The following HELZ variants were observed in gnomAD, a reference collection of about 807,000 sequenced individuals.
HELZ encodes helicase with zinc finger.
HELZ carries 23 observed loss-of-function variants against 218.2 expected under a neutral mutation model. The ratio of observed to expected loss-of-function variants is 0.11; its 90% CI spans 0.08 to 0.15. HELZ has a LOEUF of 0.15. Ranked by LOEUF, HELZ falls within the 10% of genes least tolerant of loss-of-function variation. The pLI, the probability that HELZ is intolerant of heterozygous loss-of-function variation, is 1.00. For synonymous variants in HELZ, 814 were observed against 829.4 expected (o/e 0.98, Z 0.32); for missense variants, 1,813 against 2,353.7 (o/e 0.77, Z 4.75).
chr17:67,173,181 A>G (rs2144190753), intron 13 of HELZ: 1 of 209,706 alleles, frequency 4.8e-6, no homozygotes, highest in Admixed American at 6.5e-5. Context: ...ACTTTCTAGT[A>G]AAGGTTATAG....
Position 67,160,262 on chromosome 17 carries a change from T to G in HELZ, c.2176A>C (p.Arg726=). The G allele has an allele frequency of 1.3e-6, 2 of 1,565,236 alleles. No individual in the cohort carries two copies. Among genetic ancestry groups the G allele is most frequent in the Non-Finnish European group, 1.8e-6 (2 of 1,135,846 alleles). The stretch of plus-strand genomic sequence containing the variant: ...CATAATAAGCCTTAAAAAAAATACC[T>G]GAGAGGTCTTGCCTGGGGATTGCCT... The part of the protein sequence containing the change: ...EAGNPQARPL[R]VYFRNRWVKT... The change falls in exon 17 of 33, where the codon AGG becomes CGG. Residue 726 remains arginine, a splice_region_variant and synonymous_variant. Transcript: ENST00000358691.
chr17:67,181,114 T>C (rs1431616088), intron 12 of HELZ, among the ~76,000 whole-genome samples: 1 of 152,096 alleles, frequency 6.6e-6, no homozygotes, highest in Non-Finnish European at 1.5e-5. Context: ...ATTTAGTATG[T>C]AGCTTTTAAA....
intron 5 of HELZ, among the ~76,000 whole-genome samples, 169 bp from the exon 6 acceptor site, chr17:67,203,612 T>C (rs8073349): frequency 0.039 from 5,950 of 152,232 alleles, 405 homozygotes; most frequent in African/African-American, 0.13. Context: ...AACAGGCATA[T>C]AAGAACAAGA....
chr17:67,146,676 G>C (rs1391022449), intron 20 of HELZ, among the ~76,000 whole-genome samples: 1 of 152,188 alleles, frequency 6.6e-6, no homozygotes, highest in Non-Finnish European at 1.5e-5. Flanking sequence ...TCTAGTACTT[G>C]ACTCATCAGT....
At chr17:67,186,228 A>G (rs1286776444) in intron 12 of HELZ, among the ~76,000 whole-genome samples, 3 of 152,120 alleles carry the variant, frequency 2.0e-5, no homozygotes, top group African/African-American at 7.2e-5. Flanking sequence ...AAATTATCCT[A>G]ATCAAGGCTA....
intron 22 of HELZ, among the ~76,000 whole-genome samples, chr17:67,136,500 C>T (rs2038155258): frequency 6.6e-6 from 1 of 152,274 alleles, no homozygotes; most frequent in East Asian, 1.9e-4. Context: ...TGTATATCCA[C>T]GTTCATAGCA....
chr17:67,092,772 C>A (rs1275946863), intron 31 of HELZ, among the ~76,000 whole-genome samples: 1 of 152,144 alleles, frequency 6.6e-6, no homozygotes, highest in Non-Finnish European at 1.5e-5. Flanking sequence ...TTGAGACCGG[C>A]TGGCCAACAT....
At position 67,151,103 on chromosome 17, in the gene HELZ, C is replaced by A; in HGVS notation, c.2299G>T (p.Val767Leu). Reference protein sequence around the residue: ...PQKEDILKHRVVVVTLNTSQY... With the variant: ...PQKEDILKHRLVVVTLNTSQY... The stretch of plus-strand genomic sequence containing the variant: ...GAAGTATTCAAGGTAACAACCACCA[C>A]TCGATGTTTAAGAATATCTTCTTTC... The change falls in exon 18 of 33, where the codon GTG becomes TTG. Residue 767 changes from valine (V) to leucine (L), a missense_variant. Physicochemically the swap from Val to Leu is conservative, Grantham distance 32. Transcript: ENST00000358691. The A allele has an allele frequency of 6.2e-7, 1 of 1,613,948 alleles. No individual in the cohort carries two copies. Among genetic ancestry groups the A allele is most frequent in the South Asian group, 1.1e-5 (1 of 91,072 alleles).
At position 67,108,624 on chromosome 17, in the gene HELZ, G is replaced by C; in HGVS notation, c.4592C>G (p.Pro1531Arg). The change falls in exon 30 of 33, where the codon CCA (proline) becomes CGA (arginine). Residue 1531 changes from proline to arginine, a missense_variant. Coordinates refer to ENST00000358691, the MANE Select transcript of HELZ (RefSeq NM_014877.4). The surrounding 1 kb of genome is among the most constrained non-coding windows in gnomAD (Gnocchi z 4.1). ...HHAFLSQGSA[P>R]YPHHHHPHLQ... Reference sequence around the variant, plus strand: ...GTGAGGATGGTGATGGTGTGGGTATGGAGCGCTGCCCTGACTGAGAAAGGC... The same window carrying C: ...GTGAGGATGGTGATGGTGTGGGTATCGAGCGCTGCCCTGACTGAGAAAGGC... 1 of 1,614,026 alleles carries C rather than the reference G, an allele frequency of 6.2e-7. No homozygotes were observed. The highest frequency in any genetic ancestry group is 1.1e-5 in the South Asian group (1 of 91,082).
At position 67,156,127 on chromosome 17, in the gene HELZ, T is replaced by TA. The variant is rs757624504; in HGVS notation, c.2177+4133dup. The stretch of plus-strand genomic sequence containing the variant: ...TTTGGTGAACAATGGCTAGGTTAAT[T>TA]AAAAAAAACAAAACATTTTTTGCTA... On this transcript the variant is annotated intron_variant, in intron 17 of 32. Transcript: ENST00000358691. Among the ~76,000 whole-genome samples the TA allele has an allele frequency of 2.5e-4, 38 of 150,972 alleles. 1 individual carries two copies. The highest frequency in any genetic ancestry group is 7.5e-4 in the African/African-American group (31 of 41,292).
intron 21 of HELZ, among the ~76,000 whole-genome samples, chr17:67,142,040 T>C (rs1293060527): frequency 6.6e-6 from 1 of 151,064 alleles, no homozygotes; most frequent in Non-Finnish European, 1.5e-5. Flanking sequence ...TGAGACTCTG[T>C]CTCAAAAAAA....
intron 32 of HELZ, among the ~76,000 whole-genome samples, chr17:67,085,237 G>A (rs2036332694): frequency 6.6e-6 from 1 of 152,054 alleles, no homozygotes; most frequent in East Asian, 1.9e-4. Context: ...TGGGAAACAT[G>A]GCGAAACCCC....
intron 3 of HELZ, chr17:67,224,881 A>AT: frequency 1.3e-6 from 1 of 790,238 alleles, no homozygotes; most frequent in Non-Finnish European, 2.2e-6. Context: ...TGGGCAAACT[A>AT]AGCCGATCTT....
intron 3 of HELZ, among the ~76,000 whole-genome samples, chr17:67,231,090 T>G (rs982204377): frequency 3.0e-4 from 46 of 152,230 alleles, no homozygotes; most frequent in African/African-American, 1.1e-3. Flanking sequence ...GAAACCCAAA[T>G]TGAGGACCAT....
chr17:67,244,485 G>T (rs529245320), intron 1 of HELZ: 2 of 471,090 alleles, frequency 4.2e-6, no homozygotes, highest in Non-Finnish European at 5.6e-6. Context: ...CCTTGAAAAG[G>T]GTACTGGAGT....
rs1411302868 is a variant in HELZ at position 67,071,017 on chromosome 17, C to T, written c.*7235G>A. The T allele has an allele frequency of 2.6e-5, 4 of 151,980 alleles. No homozygotes were observed. The highest frequency in any genetic ancestry group is 4.4e-5 in the Non-Finnish European group (3 of 67,994). 9.4% of individuals were successfully genotyped at this position (151,980 alleles called of 1,614,324 possible). On this transcript the variant is annotated 3_prime_UTR_variant, in exon 33 of 33. Transcript: ENST00000358691. ...AATCCTGTGTCACTAATAACAGGAC[C>T]CTTTAATAAAATGCAAAACTCATTA...
At chr17:67,081,798 G>A (rs1204630747) in intron 32 of HELZ, among the ~76,000 whole-genome samples, 1 of 152,206 alleles carries the variant, frequency 6.6e-6, no homozygotes, top group Non-Finnish European at 1.5e-5. Flanking sequence ...GTATGTGTAT[G>A]TGGGGCGGGG....
intron 3 of HELZ, chr17:67,224,805 CA>C: frequency 8.7e-7 from 1 of 1,143,768 alleles, no homozygotes; most frequent in Non-Finnish European, 1.3e-6. Context: ...CGACACAGTA[CA>C]AGGGCAAGGA....
chr17:67,217,493 C>A (rs1598440733), intron 4 of HELZ, among the ~76,000 whole-genome samples: 1 of 152,174 alleles, frequency 6.6e-6, no homozygotes, highest in African/African-American at 2.4e-5. Flanking sequence ...CAAACAATTT[C>A]TGTTAAATTA....
Sources: gnomAD v4.1 joint callset for allele counts (sites outside exome capture counted in the v4.1 genomes callset) on GRCh38, gnomAD v4.1.1 for gene constraint, Gnocchi (gnomAD v3.1) non-coding constraint, MANE v1.5 for transcripts, NCBI Gene and HGNC (gene_info 2026-07-23, HGNC 2026-07-21) for gene names.